KIF1A: variants seen among roughly 807,000 people sequenced by gnomAD.
KIF1A encodes the protein kinesin-like protein KIF1A.
A neutral mutation model predicts 227.3 loss-of-function variants in KIF1A; 46 were observed. The ratio of observed to expected loss-of-function variants is 0.20; its 90% CI spans 0.16 to 0.26. The LOEUF is 0.26. Ranked by LOEUF, KIF1A falls within the 10% of genes least tolerant of loss-of-function variation. The pLI, the probability that KIF1A is intolerant of heterozygous loss-of-function variation, is 1.00. For synonymous variants in KIF1A, 1,022 were observed against 1,012.8 expected (o/e 1.01, Z -0.17); for missense variants, 1,683 against 2,485.9 (o/e 0.68, Z 6.87).
At chr2:240,765,842 A>C (rs778788245) in intron 19 of KIF1A, 49 bp from the exon 20 acceptor site, 2 of 1,414,710 alleles carry the variant, frequency 1.4e-6, no homozygotes, top group South Asian at 2.3e-5. Context: ...AGGGGCTGTC[A>C]CCTACAGCAG....
At position 240,725,039 on chromosome 2, in the gene KIF1A, C is replaced by T. The variant is rs2045856905; in HGVS notation, c.4256+232G>A. Among the ~76,000 whole-genome samples, 1 of 149,678 alleles carries T rather than the reference C, an allele frequency of 6.7e-6. No individual in the cohort carries two copies. Among genetic ancestry groups the T allele is most frequent in the African/African-American group, 2.5e-5 (1 of 40,762 alleles). ...CTCCCATCCGCTGCAGGCTGGCCCTCAAGTCCCTCATAGTGGTGTCAGTGT... is the reference window on the plus strand; with the variant it reads ...CTCCCATCCGCTGCAGGCTGGCCCTTAAGTCCCTCATAGTGGTGTCAGTGT... On this transcript the variant is annotated intron_variant, in intron 40 of 48. Transcript: ENST00000498729. This position sits in a 1 kb window ranked among gnomAD's most constrained non-coding sequence, Gnocchi z 5.8.
chr2:240,744,787 G>T (rs1317417564), intron 32 of KIF1A, among the ~76,000 whole-genome samples: 1 of 152,178 alleles, frequency 6.6e-6, no homozygotes, highest in African/African-American at 2.4e-5. Context: ...TGTGACAGAA[G>T]TCCCAGCCAA....
intron 11 of KIF1A, among the ~76,000 whole-genome samples, chr2:240,774,477 A>G (rs1041184431): frequency 1.4e-5 from 2 of 141,548 alleles, no homozygotes; most frequent in Admixed American, 1.5e-4. Flanking sequence ...TGAACCAGGC[A>G]CCGCTATTAT....
At chr2:240,815,011 T>C (rs2126257486) in intron 1 of KIF1A, among the ~76,000 whole-genome samples, 1 of 152,320 alleles carries the variant, frequency 6.6e-6, no homozygotes, top group East Asian at 1.9e-4. Flanking sequence ...GCAAAGGGTG[T>C]GGGGCCGTAA....
intron 29 of KIF1A, 145 bp from the exon 30 acceptor site, chr2:240,746,322 T>C: frequency 2.1e-6 from 2 of 932,916 alleles, no homozygotes; most frequent in Non-Finnish European, 3.2e-6. Flanking sequence ...GACCTGTGCC[T>C]GCCTTGTAGG....
At chr2:240,728,449 T>TA (rs1181709108) in intron 38 of KIF1A, 9 of 1,278,004 alleles carry the variant, frequency 7.0e-6, no homozygotes, top group African/African-American at 3.1e-5. Flanking sequence ...CACGTACACA[T>TA]ACAGAAGAAA....
At chr2:240,811,349 C>A (rs1030614916) in intron 1 of KIF1A, among the ~76,000 whole-genome samples, 1 of 151,908 alleles carries the variant, frequency 6.6e-6, no homozygotes, top group Non-Finnish European at 1.5e-5. Context: ...TGGGCTACAG[C>A]GTGAGACTCC....
rs763942799 is a variant in KIF1A, at chr2:240,789,089, G to A, written c.183+147C>T. 6.4e-5 allele frequency: 42 copies of A among 655,462 alleles called. No individual in the cohort carries two copies. Among genetic ancestry groups the A allele is most frequent in the East Asian group, 4.1e-4 (15 of 36,660 alleles). The allele number at this position is 655,462 out of a possible 1,614,324, so 40.6% of individuals were successfully genotyped here. ...TCCATCACTGCCTTCGCTGAGGACC[G>A]CTCAGGGTGACCTTCCAGGGGAGCA... On this transcript the variant is annotated intron_variant, in intron 3 of 48. Coordinates refer to ENST00000498729, the MANE Select transcript of KIF1A (RefSeq NM_001244008.2). The surrounding 1 kb of genome is among the most constrained non-coding windows in gnomAD (Gnocchi z 4.8).
At chr2:240,803,499 C>G (rs1421375471) in intron 1 of KIF1A, among the ~76,000 whole-genome samples, 1 of 152,224 alleles carries the variant, frequency 6.6e-6, no homozygotes, top group Non-Finnish European at 1.5e-5. Flanking sequence ...GCTGAGCGTT[C>G]TCTCCTGTTT....
intron 41 of KIF1A, 140 bp downstream of exon 41, chr2:240,723,835 C>T: frequency 3.6e-6 from 3 of 841,592 alleles, no homozygotes; most frequent in Admixed American, 4.1e-5. Context: ...CATCTCAGAA[C>T]AACTCCAGAA....
intron 13 of KIF1A, 118 bp downstream of exon 13, chr2:240,772,996 C>T (rs534875383): frequency 2.7e-6 from 3 of 1,128,332 alleles, no homozygotes; most frequent in African/African-American, 1.6e-5. Context: ...GGAGCTGCCA[C>T]AGCCCAGGGT....
Position 240,714,750 on chromosome 2 carries a change from A to G in KIF1A, c.*2614T>C, listed in dbSNP as rs1185770911. On this transcript the variant is annotated 3_prime_UTR_variant, in exon 49 of 49. Transcript: ENST00000498729. ...GTCCTGACTCAGGCGGCCTCCTCTCACCATCAACTCTGAGTTTCTGGGTCC... is the reference window on the plus strand; with the variant it reads ...GTCCTGACTCAGGCGGCCTCCTCTCGCCATCAACTCTGAGTTTCTGGGTCC... 6.6e-6 allele frequency: 1 copy of G among 152,176 alleles called. No individual in the cohort carries two copies. Among genetic ancestry groups the G allele is most frequent in the Non-Finnish European group, 1.5e-5 (1 of 68,076 alleles). The allele number at this position is 152,176 out of a possible 1,614,324, so 9.4% of individuals were successfully genotyped here.
intron 4 of KIF1A, among the ~76,000 whole-genome samples, chr2:240,787,781 G>A (rs1335452535): frequency 1.3e-5 from 2 of 152,168 alleles, no homozygotes; most frequent in Non-Finnish European, 2.9e-5. Context: ...CCCAGCCAGG[G>A]CTCTCCCAGC....
chr2:240,762,748 T>C lies in KIF1A; in HGVS notation c.2087A>G (p.Asn696Ser). Reference protein sequence around the residue: ...QMDSRYYPEVNEEEEEPEDEV... With the variant: ...QMDSRYYPEVSEEEEEPEDEV... ...ATCCTCGGGCTCCTCCTCCTCCTCGTTCACCTCCGGGTAGTACCTGGAGTC... is the reference window on the plus strand; with the variant it reads ...ATCCTCGGGCTCCTCCTCCTCCTCGCTCACCTCCGGGTAGTACCTGGAGTC... Residue 696 changes from asparagine (N) to serine (S), a missense_variant, in exon 23 of 49, where the codon AAC (asparagine) becomes AGC (serine). Asn to Ser is a conservative substitution (Grantham distance 46, BLOSUM62 1). This residue lies in a region of KIF1A where 217 missense variants were observed against 427.0 expected (regional missense o/e 0.51). Transcript: ENST00000498729. 1 of 1,597,096 alleles carries C rather than the reference T, an allele frequency of 6.3e-7. No individual in the cohort carries two copies. Among genetic ancestry groups the C allele is most frequent in the Non-Finnish European group, 8.6e-7 (1 of 1,167,028 alleles).
chr2:240,772,663 AG>A (rs2125965084), intron 13 of KIF1A, 67 bp from the exon 14 acceptor site: 6 of 1,318,574 alleles, frequency 4.6e-6, no homozygotes, highest in Non-Finnish European at 6.4e-6. Flanking sequence ...TTGTCTCCAG[AG>A]GGTCAGGCAC....
intron 24 of KIF1A, 77 bp downstream of exon 24, chr2:240,761,150 TCC>T (rs1259719403): frequency 1.3e-6 from 2 of 1,490,606 alleles, no homozygotes; most frequent in African/African-American, 2.8e-5. Flanking sequence ...AAGTGCTGAG[TCC>T]CAAGTAGCTG....
At chr2:240,787,631 G>T (rs2055114887) in intron 4 of KIF1A, among the ~76,000 whole-genome samples, 1 of 152,194 alleles carries the variant, frequency 6.6e-6, no homozygotes, top group African/African-American at 2.4e-5. Flanking sequence ...CACGTCCAGA[G>T]ACCTGCCCAG....
In KIF1A at chr2:240,778,825, C is replaced by T. The variant is rs1005988446; in HGVS notation, c.883-2899G>A. Among the ~76,000 whole-genome samples, 9 of 152,070 alleles carry T rather than the reference C, an allele frequency of 5.9e-5. No homozygotes were observed. Among genetic ancestry groups the T allele is most frequent in the Admixed American group, 2.0e-4 (3 of 15,274 alleles). On this transcript the variant is annotated intron_variant, in intron 10 of 48. Transcript: ENST00000498729. The surrounding 1 kb of genome is among the most constrained non-coding windows in gnomAD (Gnocchi z 7.2). ...CCCACGTTTCCCAAACAGCTCCTCCCGCCATGGCTCACACACTTCCTCACA... is the reference window on the plus strand; with the variant it reads ...CCCACGTTTCCCAAACAGCTCCTCCTGCCATGGCTCACACACTTCCTCACA...
At chr2:240,721,965 C>T (rs770328822) in intron 43 of KIF1A, 81 bp from the exon 44 acceptor site, 243 of 1,186,856 alleles carry the variant, frequency 2.0e-4, no homozygotes, top group Middle Eastern at 6.0e-4. Context: ...CTTCTACCCA[C>T]CCCTCCCCAG....
Sources: gnomAD v4.1 joint callset for allele counts (sites outside exome capture counted in the v4.1 genomes callset) on GRCh38, gnomAD v4.1.1 for gene constraint, gnomAD v4.1.1 regional missense constraint, Gnocchi (gnomAD v3.1) non-coding constraint, MANE v1.5 for transcripts, NCBI Gene and HGNC (gene_info 2026-07-23, HGNC 2026-07-21) for gene names.